The following ATRNL1 variants were observed in gnomAD, a reference collection of about 807,000 sequenced individuals.
ATRNL1 encodes the protein attractin like 1, also known as attractin-like protein 1.
ATRNL1 carries 95 observed loss-of-function variants against 182.7 expected under a neutral mutation model. That is an observed-to-expected ratio of 0.52 (90% CI 0.44 to 0.62). ATRNL1 has a LOEUF of 0.62. ATRNL1 is among the 20% of genes least tolerant of loss of function. ATRNL1 has a pLI of 0.00. For missense variants in ATRNL1, 1,471 were observed against 1,679.5 expected (o/e 0.88, Z 2.17); for synonymous variants, 576 against 568.3 (o/e 1.01, Z -0.19).
At chr10:115,418,964 A>T (rs1845529724) in intron 20 of ATRNL1, among the ~76,000 whole-genome samples, 1 of 152,210 alleles carries the variant, frequency 6.6e-6, no homozygotes, top group Admixed American at 6.5e-5. Flanking sequence ...TTCAAACTTA[A>T]AGAAAAGAAT....
chr10:115,654,561 G>A (rs190824494), intron 26 of ATRNL1, among the ~76,000 whole-genome samples: 36 of 152,190 alleles, frequency 2.4e-4, no homozygotes, highest in African/African-American at 7.5e-4. Context: ...TGTTACCTGG[G>A]AAACTGTTTA....
chr10:115,227,239 C>G (rs897636646), intron 9 of ATRNL1, among the ~76,000 whole-genome samples: 11 of 151,916 alleles, frequency 7.2e-5, no homozygotes, highest in African/African-American at 2.2e-4. Flanking sequence ...GACAAATAAC[C>G]CCATTAAAAA....
chr10:115,103,040 G>GT (rs33951113), intron 1 of ATRNL1, among the ~76,000 whole-genome samples: 39,940 of 130,172 alleles, frequency 0.31, 6,366 homozygotes, highest in Non-Finnish European at 0.35. Context: ...TATTTTTAGT[G>GT]TTTTTTTTTT....
chr10:115,831,980 A>G (rs1261888853), intron 27 of ATRNL1, among the ~76,000 whole-genome samples: 1 of 152,194 alleles, frequency 6.6e-6, no homozygotes, highest in East Asian at 1.9e-4. Flanking sequence ...TTATTCAAAT[A>G]GTCTTCTTCT....
chr10:115,495,904 A>G (rs1222157961), intron 24 of ATRNL1, among the ~76,000 whole-genome samples: 1 of 152,114 alleles, frequency 6.6e-6, no homozygotes, highest in Non-Finnish European at 1.5e-5. Flanking sequence ...TGATCTGTCT[A>G]ATATTGCCAT....
rs1946042478 is a variant in ATRNL1, at chr10:115,681,413, T to C, written c.3796-45835T>C. On this transcript the variant is annotated intron_variant, in intron 26 of 28. Coordinates refer to ENST00000355044, the MANE Select transcript of ATRNL1 (RefSeq NM_207303.4). ...TAATCCAGTGAGGCAGTAAAATTAT[T>C]ATCCCCACTTTAAAGATGTCAAAAC... Among the ~76,000 whole-genome samples, 5 of 152,090 alleles carry C rather than the reference T, an allele frequency of 3.3e-5. No homozygotes were observed. The South Asian group carries it at 8.3e-4, about 25-fold the overall frequency.
At chr10:115,708,780 G>T (rs1312152803) in intron 26 of ATRNL1, among the ~76,000 whole-genome samples, 2 of 151,772 alleles carry the variant, frequency 1.3e-5, no homozygotes, top group African/African-American at 4.8e-5. Flanking sequence ...AGCTCTTACT[G>T]GTTCTGTGTA....
intron 24 of ATRNL1, among the ~76,000 whole-genome samples, chr10:115,495,891 T>C (rs1554978080): frequency 6.6e-6 from 1 of 152,166 alleles, no homozygotes; most frequent in Non-Finnish European, 1.5e-5. Flanking sequence ...TTTTCTGCCT[T>C]GATGATCTGT....
At chr10:115,169,036 A>G (rs1259853434) in intron 7 of ATRNL1, among the ~76,000 whole-genome samples, 4 of 134,052 alleles carry the variant, frequency 3.0e-5, no homozygotes, top group Non-Finnish European at 6.3e-5. Flanking sequence ...TTTTTTTTGC[A>G]TGTGACTATC....
chr10:115,369,313 G>A (rs1172748043), intron 19 of ATRNL1, among the ~76,000 whole-genome samples: 2 of 150,748 alleles, frequency 1.3e-5, no homozygotes, highest in East Asian at 2.0e-4. Flanking sequence ...TGAGGGGGAA[G>A]GGGGTTCCAT....
rs115361977 is a variant in ATRNL1, at chr10:115,780,199, G to A, written c.3903+52844G>A. On this transcript the variant is annotated intron_variant, in intron 27 of 28. Coordinates refer to ENST00000355044, the MANE Select transcript of ATRNL1 (RefSeq NM_207303.4). ...GGGACATTGCATTGAACTCAGTGCT[G>A]CTCTGCCACAGGATACAGCAAAACC... 6.7e-3 allele frequency among the ~76,000 whole-genome samples: 1,021 copies of A among 152,278 alleles called. 5 individuals carry two copies. The highest frequency in any genetic ancestry group is 0.023 in the African/African-American group (964 of 41,550).
At chr10:115,198,676 T>G (rs1592245356) in intron 8 of ATRNL1, among the ~76,000 whole-genome samples, 1 of 152,176 alleles carries the variant, frequency 6.6e-6, no homozygotes, top group East Asian at 1.9e-4. Flanking sequence ...TTTAGTTGAT[T>G]TTTATATATG....
At chr10:115,826,603 C>T (rs1318307776) in intron 27 of ATRNL1, among the ~76,000 whole-genome samples, 1 of 152,050 alleles carries the variant, frequency 6.6e-6, no homozygotes, top group Non-Finnish European at 1.5e-5. Flanking sequence ...GGTTCTTGTC[C>T]CATGACTAAG....
In ATRNL1 at chr10:115,466,038, C is replaced by T. The variant is rs117322733; in HGVS notation, c.3418-1136C>T. On this transcript the variant is annotated intron_variant, in intron 22 of 28. Transcript: ENST00000355044. ...TTATACGTCTGTCAAATGGTATGGC[C>T]ATCACACATCATCCAGCAGCCTTTG... 6.2e-3 allele frequency among the ~76,000 whole-genome samples: 939 copies of T among 151,504 alleles called. 12 individuals are homozygous for T. Among genetic ancestry groups the T allele is most frequent in the Middle Eastern group, 0.01 (3 of 294 alleles).
chr10:115,497,657 C>A (rs967711845), intron 24 of ATRNL1, among the ~76,000 whole-genome samples: 1 of 85,680 alleles, frequency 1.2e-5, no homozygotes, highest in Non-Finnish European at 3.0e-5. Context: ...TAAGTTTACT[C>A]TTTTTTTTCT....
At chr10:115,760,328 GATGAC>G (rs141011744) in intron 27 of ATRNL1, among the ~76,000 whole-genome samples, 4,805 of 151,974 alleles carry the variant, frequency 0.032, 226 homozygotes, top group African/African-American at 0.11. Flanking sequence ...ATTTTATTGT[GATGAC>G]ATGACATTTT....
chr10:115,187,669 G>GT (rs1554889011), intron 8 of ATRNL1, among the ~76,000 whole-genome samples: 1 of 136,384 alleles, frequency 7.3e-6, no homozygotes. Context: ...GAGGGTGCTT[G>GT]GTTTTTTTTT....
intron 21 of ATRNL1, among the ~76,000 whole-genome samples, chr10:115,437,606 A>G (rs1846462746): frequency 6.6e-6 from 1 of 151,994 alleles, no homozygotes; most frequent in Non-Finnish European, 1.5e-5. Context: ...CATTGTTTAA[A>G]TGTTTTTGGA....
At chr10:115,366,754 A>G (rs1176433491) in intron 19 of ATRNL1, among the ~76,000 whole-genome samples, 3 of 151,508 alleles carry the variant, frequency 2.0e-5, no homozygotes, top group Admixed American at 6.6e-5. Context: ...TCTGTAAAGT[A>G]TTTTATTTCT....
Sources: allele counts gnomAD v4.1 joint callset (sites outside exome capture counted in the v4.1 genomes callset), GRCh38; gene constraint gnomAD v4.1.1; transcripts MANE v1.5; gene names NCBI Gene and HGNC (gene_info 2026-07-23, HGNC 2026-07-21).